The following GPR161 variants were observed in gnomAD, a reference collection of about 807,000 sequenced individuals.
GPR161 encodes the protein G protein-coupled receptor 161, also known as G-protein coupled receptor RE2.
A neutral mutation model predicts 39.2 loss-of-function variants in GPR161; 25 were observed. The observed-to-expected ratio is 0.64, with a 90% CI of 0.47 to 0.89. The LOEUF (loss-of-function observed/expected upper bound fraction) is 0.89. GPR161 is among the 40% of genes least tolerant of loss of function. The probability of loss-of-function intolerance (pLI) is 0.00; values close to 1 mark genes in which losing one functional copy is unlikely to be tolerated. For synonymous variants in GPR161, 286 were observed against 276.6 expected (o/e 1.03, Z -0.34); for missense variants, 547 against 677.8 (o/e 0.81, Z 2.14).
intron 1 of GPR161, 52 bp downstream of exon 1, chr1:168,136,687 G>A: frequency 9.0e-7 from 1 of 1,113,444 alleles, no homozygotes; most frequent in Non-Finnish European, 1.1e-6. Context: ...GGCTCCATCC[G>A]GACCGCCCTC....
intron 1 of GPR161, among the ~76,000 whole-genome samples, chr1:168,106,355 T>C (rs970239598): frequency 1.3e-5 from 2 of 152,198 alleles, no homozygotes; most frequent in African/African-American, 2.4e-5. Context: ...GGGAGGCCCA[T>C]GTGGGCAGAC....
upstream of GPR161, chr1:168,137,451 G>A: frequency 6.7e-7 from 1 of 1,488,570 alleles, no homozygotes; most frequent in Non-Finnish European, 9.1e-7. Context: ...CTCTGTCCCG[G>A]GCTCTGTTAA....
At chr1:168,095,361 T>A (rs914068049) in intron 3 of GPR161, among the ~76,000 whole-genome samples, 1 of 152,154 alleles carries the variant, frequency 6.6e-6, no homozygotes, top group African/African-American at 2.4e-5. Context: ...AGTGTTAACG[T>A]TTTAGAGCTG....
chr1:168,124,155 C>G (rs754536782), intron 1 of GPR161, among the ~76,000 whole-genome samples: 3 of 152,178 alleles, frequency 2.0e-5, no homozygotes, highest in Non-Finnish European at 4.4e-5. Flanking sequence ...CTCCTCAACC[C>G]CCAGGGCAAA....
At chr1:168,089,238 C>G (rs1443169429) in intron 4 of GPR161, 1 of 152,124 alleles carries the variant, frequency 6.6e-6, no homozygotes, top group Non-Finnish European at 1.5e-5. Context: ...CCTCTGGATC[C>G]CTTTAGTTGT....
Position 168,097,074 on chromosome 1 carries a change from C to CA in GPR161, c.532dup (p.Cys178LeufsTer116). 1 of 1,614,102 alleles carries CA rather than the reference C, an allele frequency of 6.2e-7. No individual in the cohort carries two copies. The highest frequency in any genetic ancestry group is 8.5e-7 in the Non-Finnish European group (1 of 1,180,024). ...AGGCTCCCGGTGCCAAGCAGCCACA[C>CA]ACATCCATTTGAACTCGTCAAACTC... is the stretch of plus-strand genomic sequence containing the variant. On this transcript the variant is annotated frameshift_variant, in exon 3 of 6. Transcript: ENST00000682931. LOFTEE classifies it high-confidence loss of function.
At chr1:168,126,697 G>A (rs138189508) in intron 1 of GPR161, among the ~76,000 whole-genome samples, 87 of 152,138 alleles carry the variant, frequency 5.7e-4, no homozygotes, top group African/African-American at 1.7e-3. Flanking sequence ...CAAGCAATCC[G>A]CCCACCATGG....
At chr1:168,088,369 G>C (rs970339199) in intron 4 of GPR161, 2 of 152,210 alleles carry the variant, frequency 1.3e-5, no homozygotes, top group African/African-American at 4.8e-5. Flanking sequence ...ATCCAGCCCC[G>C]TTCTTAGCTT....
chr1:168,136,249 C>A, intron 1 of GPR161: 1 of 1,367,314 alleles, frequency 7.3e-7, no homozygotes. Flanking sequence ...TGGGAGAAGG[C>A]TGCTCACCTG....
At chr1:168,089,026 C>T (rs1195353051) in intron 4 of GPR161, 1 of 152,160 alleles carries the variant, frequency 6.6e-6, no homozygotes, top group Non-Finnish European at 1.5e-5. Flanking sequence ...ATGTAACTGA[C>T]TCATTTAAAG....
At position 168,096,737 on chromosome 1, in the gene GPR161, G is replaced by A. The variant is rs770594767; in HGVS notation, c.870C>T (p.Ile290=). 10 of 1,614,106 alleles carry A rather than the reference G, an allele frequency of 6.2e-6. No individual in the cohort carries two copies. The highest frequency in any genetic ancestry group is 2.2e-5 in the East Asian group (1 of 44,886). The change falls in exon 3 of 6, where the codon ATC becomes ATT. Residue 290 remains isoleucine (I), a synonymous_variant. Coordinates refer to ENST00000682931, the MANE Select transcript of GPR161 (RefSeq NM_001375883.1). ...TTTTCCCCCAGAGGGCCTCAGAGGC[G>A]ATGACAACCATGTAGGGGCCCCAGG... ...MVTWGPYMVV[I]ASEALWGKSS... is the part of the protein sequence containing the mutation.
intron 3 of GPR161, among the ~76,000 whole-genome samples, chr1:168,094,626 A>G (rs775051925): frequency 4.2e-4 from 64 of 152,314 alleles, no homozygotes; most frequent in Non-Finnish European, 8.7e-4. Flanking sequence ...CCCTCTTGAG[A>G]AGAAAAGTGG....
In GPR161 at chr1:168,087,573, A is replaced by G. The variant is rs750355868; in HGVS notation, c.1324+12T>C. On this transcript the variant is annotated intron_variant, in intron 5 of 5. Transcript: ENST00000682931. ...CTATGTTTTCTTGAAGCAATCAGTC[A>G]CAGAAGCCAACCTTTGATTTGTTCC... The G allele has an allele frequency of 6.2e-7, 1 of 1,613,912 alleles. No individual in the cohort carries two copies. Among genetic ancestry groups the G allele is most frequent in the East Asian group, 2.2e-5 (1 of 44,898 alleles).
chr1:168,131,477 AAGAC>A (rs1698986868), intron 1 of GPR161, among the ~76,000 whole-genome samples: 1 of 152,098 alleles, frequency 6.6e-6, no homozygotes, highest in African/African-American at 2.4e-5. Flanking sequence ...GCTCATCCTT[AAGAC>A]TTGGTTAAAA....
intron 1 of GPR161, among the ~76,000 whole-genome samples, chr1:168,108,486 T>TAAAAA (rs10670498): frequency 0.01 from 178 of 17,464 alleles, 29 homozygotes; most frequent in African/African-American, 0.037. Context: ...GCCCTAGTTG[T>TAAAAA]AAAAAAAAAA....
chr1:168,136,558 C>A, intron 1 of GPR161, 181 bp downstream of exon 1: 5 of 1,254,362 alleles, frequency 4.0e-6, no homozygotes, highest in Non-Finnish European at 5.0e-6. Flanking sequence ...AGGCGCAGTG[C>A]GGGCGGAGGA....
chr1:168,116,306 T>C (rs760382760), intron 1 of GPR161, among the ~76,000 whole-genome samples: 1 of 152,180 alleles, frequency 6.6e-6, no homozygotes, highest in Non-Finnish European at 1.5e-5. Flanking sequence ...GGTAGGTACA[T>C]AAGCTGTTCA....
At chr1:168,085,863 C>G in intron 5 of GPR161, 67 bp from the exon 6 acceptor site, 3 of 1,396,668 alleles carry the variant, frequency 2.1e-6, no homozygotes, top group Non-Finnish European at 2.9e-6. Context: ...TGGGGACAAG[C>G]CTGCTGCTGC....
chr1:168,129,847 G>A (rs1204282851), intron 1 of GPR161, among the ~76,000 whole-genome samples: 1 of 152,170 alleles, frequency 6.6e-6, no homozygotes, highest in Non-Finnish European at 1.5e-5. Context: ...CAATGCAGAA[G>A]ACAGGTAGGC....
Sources: gnomAD v4.1 joint callset for allele counts (sites outside exome capture counted in the v4.1 genomes callset) on GRCh38, gnomAD v4.1.1 for gene constraint, MANE v1.5 for transcripts, NCBI Gene and HGNC (gene_info 2026-07-23, HGNC 2026-07-21) for gene names.